OLA1: variants seen among roughly 807,000 people sequenced by gnomAD.
OLA1 encodes Obg like ATPase 1, also known as obg-like ATPase 1.
Under a neutral mutation model 48.4 loss-of-function variants are expected in OLA1, and 14 were observed. That is an observed-to-expected ratio of 0.29 (90% CI 0.19 to 0.45). OLA1 has a LOEUF of 0.45. Among genes scored for constraint, OLA1 ranks in the 20% least tolerant of loss-of-function variants. The pLI is 1.00. For missense variants in OLA1, 325 were observed against 467.1 expected, an observed-to-expected ratio of 0.70 and a Z score of 2.80; for synonymous variants, 127 against 150.4, an observed-to-expected ratio of 0.84 and a Z score of 1.14.
intron 4 of OLA1, among the ~76,000 whole-genome samples, chr2:174,155,581 G>A (rs16862429): frequency 0.11 from 16,684 of 152,180 alleles, 2,172 homozygotes; most frequent in East Asian, 0.71. Context: ...TTAACTATTA[G>A]TGAAGGACAG....
At chr2:174,198,796 C>CTA (rs1046205616) in intron 4 of OLA1, among the ~76,000 whole-genome samples, 17 of 151,592 alleles carry the variant, frequency 1.1e-4, no homozygotes, top group African/African-American at 3.9e-4. Flanking sequence ...TTCTCTCTGT[C>CTA]TATATATATA....
intron 3 of OLA1, among the ~76,000 whole-genome samples, chr2:174,227,211 C>T (rs1003654006): frequency 1.3e-5 from 2 of 151,908 alleles, no homozygotes; most frequent in African/African-American, 4.8e-5. Context: ...TCAAGACCAC[C>T]CTGGGGCAAC....
intron 4 of OLA1, among the ~76,000 whole-genome samples, chr2:174,184,767 T>C (rs753419469): frequency 1.3e-4 from 20 of 152,176 alleles, no homozygotes; most frequent in Non-Finnish European, 2.8e-4. Context: ...TCTGACACTG[T>C]TCCAAAATAA....
rs1429087327 is a variant in OLA1 at position 174,228,421 on chromosome 2, G to A, written c.245+887C>T. Among the ~76,000 whole-genome samples, 3 of 152,008 alleles carry A rather than the reference G, an allele frequency of 2.0e-5. No individual in the cohort carries two copies. In the South Asian group the frequency reaches 6.2e-4, roughly 32 times the overall value. The stretch of plus-strand genomic sequence containing the variant: ...GTATTCTATTTCTGTAAGTAAGTGT[G>A]CACAAAGTCAGGAAATTATGGAAGG... On this transcript the variant is annotated intron_variant, in intron 3 of 10. Transcript: ENST00000284719.
chr2:174,095,137 C>T (rs1237028429), intron 7 of OLA1, among the ~76,000 whole-genome samples: 1 of 152,016 alleles, frequency 6.6e-6, no homozygotes, highest in Non-Finnish European at 1.5e-5. Context: ...TCTTCAAGCC[C>T]CTGCCTTCAA....
chr2:174,196,900 C>G (rs769700949), intron 4 of OLA1, among the ~76,000 whole-genome samples: 3 of 152,150 alleles, frequency 2.0e-5, no homozygotes, highest in Non-Finnish European at 4.4e-5. Context: ...ATCAGACAAA[C>G]TAGAATTAAT....
At chr2:174,136,586 C>T (rs1686314766) in intron 5 of OLA1, among the ~76,000 whole-genome samples, 1 of 152,108 alleles carries the variant, frequency 6.6e-6, no homozygotes, top group Non-Finnish European at 1.5e-5. Flanking sequence ...TTGAGCCTCT[C>T]AAAGTCATCC....
intron 4 of OLA1, among the ~76,000 whole-genome samples, chr2:174,164,346 G>T (rs1017228539): frequency 2.3e-5 from 1 of 42,582 alleles, no homozygotes; most frequent in Admixed American, 2.2e-4. Context: ...TTGGCACTAC[G>T]CAATACCATT....
intron 7 of OLA1, among the ~76,000 whole-genome samples, chr2:174,118,681 G>C (rs1264829921): frequency 6.6e-6 from 1 of 152,150 alleles, no homozygotes; most frequent in Non-Finnish European, 1.5e-5. Flanking sequence ...AAAGATGAAA[G>C]TCCTGACATA....
chr2:174,074,111 T>C lies in OLA1; in HGVS notation c.*1315A>G, dbSNP rs1684669818. On this transcript the variant is annotated 3_prime_UTR_variant, in exon 11 of 11. Transcript: ENST00000284719. ...TGCCTCTAGTGCTACATTTGGTAACTTTCCATTTTAAGTTTGTGTGTGTTC... is the reference window on the plus strand; with the variant it reads ...TGCCTCTAGTGCTACATTTGGTAACCTTCCATTTTAAGTTTGTGTGTGTTC... 1 of 152,218 alleles carries C rather than the reference T, an allele frequency of 6.6e-6. No homozygotes were observed. The highest frequency in any genetic ancestry group is 2.4e-5 in the African/African-American group (1 of 41,456). The allele number at this position is 152,218 out of a possible 1,614,324, so 9.4% of individuals were successfully genotyped here. A position where few individuals can be genotyped will look rare whatever the true frequency, so the allele number is the denominator to read the frequency against.
chr2:174,145,222 C>T (rs1165567239), intron 4 of OLA1, among the ~76,000 whole-genome samples: 2 of 151,654 alleles, frequency 1.3e-5, no homozygotes, highest in Non-Finnish European at 1.5e-5. Flanking sequence ...GTAGGAATTA[C>T]TAATTTAGAA....
chr2:174,232,621 C>A (rs1559017986), intron 2 of OLA1, among the ~76,000 whole-genome samples: 1 of 152,014 alleles, frequency 6.6e-6, no homozygotes, highest in African/African-American at 2.4e-5. Flanking sequence ...GATGCTCAAC[C>A]ACTAATCACT....
At chr2:174,190,944 CAAAAAAAAAAAAAAAAAA>C (rs774971306) in intron 4 of OLA1, among the ~76,000 whole-genome samples, 1 of 32,908 alleles carries the variant, frequency 3.0e-5, no homozygotes, top group Non-Finnish European at 5.4e-5. Context: ...GACTTCGTCT[CAAAAAAAAAAAAAAAAAA>C]AAAAAAAGGA....
intron 7 of OLA1, among the ~76,000 whole-genome samples, chr2:174,107,348 T>C (rs1183691374): frequency 2.0e-5 from 3 of 152,102 alleles, no homozygotes; most frequent in Non-Finnish European, 4.4e-5. Flanking sequence ...AGAATTCAGG[T>C]ACAATTACTA....
In OLA1 at chr2:174,229,379, A is replaced by C; in HGVS notation, c.174T>G (p.Asp58Glu). Residue 58 changes from aspartate to glutamate, a missense_variant, in exon 3 of 11, where the codon GAT becomes GAG. Transcript: ENST00000284719. ...GCACAGGTACTCTGCTCTCATTAGGATCAATAGTGCAGAACGGGAAGTTTT... is the reference window on the plus strand; with the variant it reads ...GCACAGGTACTCTGCTCTCATTAGGCTCAATAGTGCAGAACGGGAAGTTTT... Reference protein sequence around the residue: ...SAENFPFCTIDPNESRVPVPD... With the variant: ...SAENFPFCTIEPNESRVPVPD... The C allele has an allele frequency of 6.2e-7, 1 of 1,612,588 alleles. No homozygotes were observed. Among genetic ancestry groups the C allele is most frequent in the Admixed American group, 1.7e-5 (1 of 60,024 alleles).
chr2:174,166,697 AAC>A (rs1687173808), intron 4 of OLA1, among the ~76,000 whole-genome samples: 1 of 152,220 alleles, frequency 6.6e-6, no homozygotes, highest in African/African-American at 2.4e-5. Flanking sequence ...GTTCTGTAAT[AAC>A]ACAGATGTCT....
chr2:174,097,994 A>C (rs563637673), intron 7 of OLA1, among the ~76,000 whole-genome samples: 1 of 152,222 alleles, frequency 6.6e-6, no homozygotes, highest in Non-Finnish European at 1.5e-5. Flanking sequence ...AAGCCAAGGC[A>C]AACAGTCATT....
At chr2:174,169,097 C>T (rs932960297) in intron 4 of OLA1, among the ~76,000 whole-genome samples, 1 of 152,034 alleles carries the variant, frequency 6.6e-6, no homozygotes, top group Non-Finnish European at 1.5e-5. Flanking sequence ...AGGCACACAC[C>T]ACCACGCCCA....
At chr2:174,130,040 C>T (rs116488773) in intron 5 of OLA1, among the ~76,000 whole-genome samples, 476 of 152,216 alleles carry the variant, frequency 3.1e-3, no homozygotes, top group African/African-American at 0.011. Flanking sequence ...TCAAAACAGT[C>T]GCTAGAAGTC....
Sources: allele counts gnomAD v4.1 joint callset (sites outside exome capture counted in the v4.1 genomes callset), GRCh38; gene constraint gnomAD v4.1.1; transcripts MANE v1.5; gene names NCBI Gene and HGNC (gene_info 2026-07-23, HGNC 2026-07-21).